THSD4: variants seen among roughly 807,000 people sequenced by gnomAD.
THSD4 encodes thrombospondin type 1 domain containing 4, also known as thrombospondin type-1 domain-containing protein 4.
Under a neutral mutation model 119.0 loss-of-function variants are expected in THSD4, and 69 were observed. The observed-to-expected ratio is 0.58, with a 90% CI of 0.48 to 0.71. The LOEUF (loss-of-function observed/expected upper bound fraction) is 0.71. THSD4 is among the 30% of genes least tolerant of loss of function. THSD4 has a pLI of 0.00. For synonymous variants in THSD4, 524 were observed against 540.4 expected (o/e 0.97, Z 0.42); for missense variants, 1,393 against 1,391.1 (o/e 1.00, Z -0.02).
At chr15:71,137,850 T>G (rs2040565560) in intron 1 of THSD4, among the ~76,000 whole-genome samples, 1 of 152,192 alleles carries the variant, frequency 6.6e-6, no homozygotes, top group South Asian at 2.1e-4. Context: ...AGTAAAAAAA[T>G]AAGCATACAA....
At chr15:71,358,168 T>C (rs183185829) in intron 6 of THSD4, among the ~76,000 whole-genome samples, 4 of 152,338 alleles carry the variant, frequency 2.6e-5, no homozygotes, top group African/African-American at 9.6e-5. Flanking sequence ...CACATTTGGC[T>C]GGAGAGCCTC....
intron 7 of THSD4, among the ~76,000 whole-genome samples, chr15:71,539,551 G>T (rs1440775762): frequency 6.6e-6 from 1 of 152,154 alleles, no homozygotes; most frequent in African/African-American, 2.4e-5. Context: ...CATGGGATGT[G>T]TGGTTTTAGG....
Position 71,660,691 on chromosome 15 carries a change from G to A in THSD4, c.1314G>A (p.Thr438=), listed in dbSNP as rs116382768. 1,157 of 1,614,134 alleles carry A rather than the reference G, an allele frequency of 7.2e-4. 6 individuals are homozygous for A. In the African/African-American group the frequency reaches 0.012, roughly 17 times the overall value. ...HRVVEIPEGA[T]KINITEMYKS... ...TCGTGGAGATTCCCGAGGGAGCCAC[G>A]AAAATCAACATCACGGAGATGTACA... The change falls in exon 8 of 18, where the codon ACG becomes ACA. Residue 438 remains threonine (T), a synonymous_variant. Coordinates refer to ENST00000261862, the MANE Select transcript of THSD4 (RefSeq NM_024817.3).
intron 6 of THSD4, among the ~76,000 whole-genome samples, chr15:71,343,886 G>T (rs1388146116): frequency 6.6e-6 from 1 of 151,618 alleles, no homozygotes; most frequent in African/African-American, 2.4e-5. Flanking sequence ...CTAACTTTTT[G>T]TATTTTGTGT....
chr15:71,199,935 G>A (rs1046930368), intron 3 of THSD4, among the ~76,000 whole-genome samples: 1 of 111,616 alleles, frequency 9.0e-6, no homozygotes, highest in Admixed American at 1.1e-4. Flanking sequence ...GTGTGTGTGT[G>A]TATGGCAGGG....
chr15:71,482,178 G>A (rs974914164), intron 7 of THSD4, among the ~76,000 whole-genome samples: 7 of 152,218 alleles, frequency 4.6e-5, no homozygotes, highest in Non-Finnish European at 1.0e-4. Context: ...TGATTCAGTG[G>A]CTTAACACTG....
At chr15:71,708,208 G>A (rs1224251657) in intron 8 of THSD4, among the ~76,000 whole-genome samples, 1 of 152,190 alleles carries the variant, frequency 6.6e-6, no homozygotes, top group Non-Finnish European at 1.5e-5. Flanking sequence ...GACCTGCCAA[G>A]GCTGGGGAGG....
chr15:71,268,743 A>C (rs1157798388), intron 6 of THSD4, among the ~76,000 whole-genome samples: 1 of 151,876 alleles, frequency 6.6e-6, no homozygotes, highest in Admixed American at 6.6e-5. Flanking sequence ...AAAAAAAGAG[A>C]GATGAATCAA....
chr15:71,263,205 G>A lies in THSD4; in HGVS notation c.1015+6490G>A, dbSNP rs141418945. Among the ~76,000 whole-genome samples, 213 of 151,960 alleles carry A rather than the reference G, an allele frequency of 1.4e-3. 1 individual carries two copies. Among genetic ancestry groups the A allele is most frequent in the African/African-American group, 5.0e-3 (206 of 41,452 alleles). On this transcript the variant is annotated intron_variant, in intron 6 of 17. Transcript: ENST00000261862. Reference sequence around the variant, plus strand: ...CTTCATTTAGCTCCCACTTATAAGTGAGAATATGCAGTATTTGGTTTTCTG... The same window carrying A: ...CTTCATTTAGCTCCCACTTATAAGTAAGAATATGCAGTATTTGGTTTTCTG...
intron 3 of THSD4, among the ~76,000 whole-genome samples, chr15:71,174,139 TAGG>T (rs1275485337): frequency 6.6e-6 from 1 of 151,944 alleles, no homozygotes; most frequent in Non-Finnish European, 1.5e-5. Flanking sequence ...CGAGCAGAAA[TAGG>T]AGCCAAGATG....
chr15:71,506,002 G>A (rs2048180353), intron 7 of THSD4, among the ~76,000 whole-genome samples: 1 of 152,120 alleles, frequency 6.6e-6, no homozygotes, highest in African/African-American at 2.4e-5. Flanking sequence ...TTATTTTGAG[G>A]GGAAAGAATG....
intron 7 of THSD4, among the ~76,000 whole-genome samples, chr15:71,577,676 GA>G (rs2049475842): frequency 3.4e-5 from 3 of 87,118 alleles, no homozygotes. Flanking sequence ...TGGCATTTAT[GA>G]AAGCCATTGT....
chr15:71,256,208 C>T (rs908125875), intron 5 of THSD4, among the ~76,000 whole-genome samples: 2 of 152,188 alleles, frequency 1.3e-5, no homozygotes, highest in Non-Finnish European at 2.9e-5. Context: ...GGCGCGGTGG[C>T]TGACGCCTGT....
chr15:71,258,848 G>C (rs574424090), intron 6 of THSD4, among the ~76,000 whole-genome samples: 97 of 152,220 alleles, frequency 6.4e-4, no homozygotes, highest in African/African-American at 2.3e-3. Context: ...GGAATGACTT[G>C]TGTTCTGATA....
At chr15:71,383,059 CATT>C (rs1406380400) in intron 6 of THSD4, among the ~76,000 whole-genome samples, 1 of 152,202 alleles carries the variant, frequency 6.6e-6, no homozygotes, top group Non-Finnish European at 1.5e-5. Context: ...TTCCCCCCAT[CATT>C]GTTTTTTTAA....
intron 9 of THSD4, chr15:71,729,856 A>C (rs1297657830): frequency 1.3e-5 from 2 of 151,876 alleles, no homozygotes; most frequent in Admixed American, 6.6e-5. Flanking sequence ...GTGAAAAGGG[A>C]GTGAGGGGAT....
intron 6 of THSD4, among the ~76,000 whole-genome samples, chr15:71,367,893 C>T (rs1219442620): frequency 1.3e-5 from 2 of 152,218 alleles, no homozygotes. Flanking sequence ...AGTTTACAGT[C>T]CCACCAACAG....
chr15:71,527,604 C>A (rs983065644), intron 7 of THSD4, among the ~76,000 whole-genome samples: 13 of 151,880 alleles, frequency 8.6e-5, no homozygotes, highest in Non-Finnish European at 4.4e-5. Context: ...ACACACACAG[C>A]ACTTTAGTTA....
intron 6 of THSD4, among the ~76,000 whole-genome samples, chr15:71,336,162 C>T (rs535625023): frequency 6.6e-6 from 1 of 152,230 alleles, no homozygotes; most frequent in Non-Finnish European, 1.5e-5. Context: ...ACAAAATGCT[C>T]AAGCTTCTAG....
Sources: allele counts gnomAD v4.1 joint callset (sites outside exome capture counted in the v4.1 genomes callset), GRCh38; gene constraint gnomAD v4.1.1; transcripts MANE v1.5; gene names NCBI Gene and HGNC (gene_info 2026-07-23, HGNC 2026-07-21).